CIROP: variants seen among roughly 807,000 people sequenced by gnomAD.
The protein encoded by CIROP is leishmanolysin homolog.
At chr14:23,101,814 C>G in the CIROP span, 5 of 702,756 alleles carry the variant, frequency 7.1e-6, no homozygotes, top group East Asian at 1.3e-4. Flanking sequence ...GGCAGCCATA[C>G]AGTCCCCTAA....
At chr14:23,100,773 A>G in the CIROP span, 1 of 398,908 alleles carries the variant, frequency 2.5e-6, no homozygotes, top group East Asian at 3.6e-5. Flanking sequence ...GGGATGAACA[A>G]GTCTTCAGAG....
chr14:23,099,464 G>C, the CIROP span: 2 of 413,192 alleles, frequency 4.8e-6, no homozygotes, highest in Non-Finnish European at 8.8e-6. Context: ...GTCATGGAGG[G>C]ATTATGGTCT....
chr14:23,103,959 C>A, the CIROP span: 1 of 590,222 alleles, frequency 1.7e-6, no homozygotes, highest in Admixed American at 3.1e-5. Context: ...TGCCCCTTCA[C>A]CCCCAGTCTC....
At chr14:23,099,573 T>G in the CIROP span, 1 of 403,340 alleles carries the variant, frequency 2.5e-6, no homozygotes, top group African/African-American at 2.1e-5. Flanking sequence ...TTTTTTTTTT[T>G]TTTGGAGACA....
chr14:23,104,189 T>TC, the CIROP span: 13 of 606,616 alleles, frequency 2.1e-5, no homozygotes, highest in Non-Finnish European at 3.2e-5. Flanking sequence ...TCTCTGCGTA[T>TC]CCCCCCACCA....
At chr14:23,102,442 A>C in the CIROP span, 1 of 702,808 alleles carries the variant, frequency 1.4e-6, no homozygotes, top group East Asian at 2.7e-5. Flanking sequence ...AGTTGTCCCC[A>C]CTCATCTTGC....
the CIROP span, chr14:23,099,624 A>C: frequency 5.5e-6 from 2 of 366,528 alleles, no homozygotes; most frequent in South Asian, 3.3e-4. Flanking sequence ...CAGTGGTGTG[A>C]TCTTGGCTCA....
At chr14:23,099,527 G>A in the CIROP span, 1 of 409,292 alleles carries the variant, frequency 2.4e-6, no homozygotes, top group East Asian at 3.6e-5. Context: ...ATGGAATAAT[G>A]CCTAGCCTTA....
At chr14:23,100,365 T>TGATC in the CIROP span, 1 of 411,666 alleles carries the variant, frequency 2.4e-6, no homozygotes, top group Admixed American at 4.4e-5. Flanking sequence ...CGGGACTGGA[T>TGATC]GATCGTGTTA....
chr14:23,103,152 A>G, the CIROP span: 1 of 450,038 alleles, frequency 2.2e-6, no homozygotes, highest in Non-Finnish European at 3.9e-6. Context: ...GACTCTGCAG[A>G]ACTCTGCAGG....
chr14:23,101,334 C>T, the CIROP span: 460 of 520,172 alleles, frequency 8.8e-4, 1 homozygote, highest in African/African-American at 7.5e-3. Context: ...AAGGCGAGCC[C>T]TCCACCTGCA....
chr14:23,103,272 G>A, the CIROP span: 9 of 403,554 alleles, frequency 2.2e-5, no homozygotes, highest in Non-Finnish European at 3.9e-5. Context: ...CTTTTGGCTG[G>A]GCATGGTGGC....
the CIROP span, chr14:23,104,574 C>G: frequency 4.3e-6 from 3 of 699,452 alleles, no homozygotes; most frequent in Non-Finnish European, 7.9e-6. Flanking sequence ...TCAACCCTCC[C>G]TGACACCTCT....
At chr14:23,104,585 G>A in the CIROP span, 1 of 700,144 alleles carries the variant, frequency 1.4e-6, no homozygotes, top group Middle Eastern at 2.3e-4. Flanking sequence ...TGACACCTCT[G>A]TTCCCTCACT....
At chr14:23,104,677 C>T in the CIROP span, 1 of 702,876 alleles carries the variant, frequency 1.4e-6, no homozygotes, top group African/African-American at 1.7e-5. Context: ...ATCCCTTCTC[C>T]CTCAGGATCC....
At chr14:23,104,322 C>T in the CIROP span, 1 of 697,458 alleles carries the variant, frequency 1.4e-6, no homozygotes, top group Non-Finnish European at 2.6e-6. Context: ...TGTAGGTGAG[C>T]TGAGGACATT....
the CIROP span, chr14:23,104,718 T>C: frequency 1.1e-5 from 8 of 702,826 alleles, no homozygotes; most frequent in Non-Finnish European, 1.8e-5. Flanking sequence ...ATCTCCTAGA[T>C]AGCAGCTTTG....
chr14:23,104,284 A>C, the CIROP span: 1 of 688,274 alleles, frequency 1.5e-6, no homozygotes, highest in Non-Finnish European at 2.7e-6. Context: ...CCTGGGTTCA[A>C]GAGGCTGCAC....
At chr14:23,101,591 G>T in the CIROP span, 1 of 700,770 alleles carries the variant, frequency 1.4e-6, no homozygotes, top group Non-Finnish European at 2.6e-6. Flanking sequence ...AAGTAGAATA[G>T]TGTTTGTTCT....
Sources: gnomAD v4.1 joint callset for allele counts on GRCh38, gnomAD v4.1.1 for gene constraint, MANE v1.5 for transcripts, NCBI Gene and HGNC (gene_info 2026-07-23, HGNC 2026-07-21) for gene names.